The following COX17 variants were observed in gnomAD, a reference collection of about 807,000 sequenced individuals.
The protein encoded by COX17 is cytochrome c oxidase copper chaperone.
In COX17, 1 loss-of-function variant was observed where a neutral mutation model predicts 6.3. The observed-to-expected ratio is 0.16, with a 90% CI of 0.06 to 0.75. COX17 has a LOEUF of 0.75. Among genes scored for constraint, COX17 ranks in the 30% least tolerant of loss-of-function variants. COX17 has a pLI of 0.77. For synonymous variants in COX17, 26 were observed against 30.5 expected (o/e 0.85, Z 0.49); for missense variants, 73 against 81.2 (o/e 0.90, Z 0.39).
rs1302133764 is a variant in COX17 at position 119,677,256 on chromosome 3, G to C, written c.55C>G (p.Pro19Ala). 2 of 1,611,960 alleles carry C rather than the reference G, an allele frequency of 1.2e-6. No homozygotes were observed. Among genetic ancestry groups the C allele is most frequent in the Non-Finnish European group, 1.7e-6 (2 of 1,180,002 alleles). Residue 19 changes from proline (P) to alanine (A), a missense_variant, in exon 1 of 3, where the codon CCG becomes GCG. Coordinates refer to ENST00000261070, the MANE Select transcript of COX17 (RefSeq NM_005694.2). ...GGGCAAGCGCAGCAGGGCTTCAGCG[G>C]CTTCTTCTCCTGAGACTCAGGCGGG... ...PAPPESQEKK[P>A]LKPCCACPET...
downstream of COX17, chr3:119,669,275 G>C (rs1472758191): frequency 6.7e-6 from 1 of 148,522 alleles, no homozygotes; most frequent in African/African-American, 2.5e-5. Flanking sequence ...AAAGAGTGTT[G>C]AATGAGATGA....
In COX17 at chr3:119,664,511, G is replaced by C. The variant is rs139009227; in HGVS notation, c.*68+2408C>G. ...TCCCAGAAGTAAAACAAAATACGTG[G>C]CATATTCTGGTAACAGAGAACAGCT... On this transcript the variant is annotated intron_variant and NMD_transcript_variant, in intron 3 of 3. Coordinates refer to the COX17 transcript ENST00000468918. Among the ~76,000 whole-genome samples the C allele has an allele frequency of 3.0e-3, 456 of 152,270 alleles. 2 individuals are homozygous for C. The highest frequency in any genetic ancestry group is 0.011 in the African/African-American group (444 of 41,552).
chr3:119,664,660 T>C (rs1277842183), downstream of COX17, among the ~76,000 whole-genome samples: 1 of 152,222 alleles, frequency 6.6e-6, no homozygotes, highest in Non-Finnish European at 1.5e-5. Flanking sequence ...AAACTGTTTG[T>C]TACTTGTCCA....
downstream of COX17, chr3:119,665,392 T>A (rs1304187738): frequency 6.6e-6 from 1 of 152,232 alleles, no homozygotes; most frequent in Non-Finnish European, 1.5e-5. Flanking sequence ...CTTGCTTTTT[T>A]AAGACAGGGC....
chr3:119,668,068 C>G (rs775633495), downstream of COX17, among the ~76,000 whole-genome samples: 4 of 152,118 alleles, frequency 2.6e-5, no homozygotes, highest in Non-Finnish European at 5.9e-5. Context: ...CAGACCTATA[C>G]TCACTGATGG....
intron 2 of COX17, among the ~76,000 whole-genome samples, chr3:119,671,422 G>A (rs962463768): frequency 1.3e-5 from 2 of 152,204 alleles, no homozygotes; most frequent in African/African-American, 4.8e-5. Context: ...AAAGGTTTTT[G>A]AATTAAGGAA....
At position 119,677,373 on chromosome 3, in the gene COX17, C is replaced by G. The variant is rs78442596; in HGVS notation, c.-63G>C. 5,499 of 1,322,970 alleles carry G rather than the reference C, an allele frequency of 4.2e-3. 128 individuals are homozygous for G. In the African/African-American group the frequency reaches 0.057, roughly 14 times the overall value. The allele number at this position is 1,322,970 out of a possible 1,614,324, so 82.0% of individuals were successfully genotyped here. Reference sequence around the variant, plus strand: ...AATCTATGCCAGCCTCGGCAAACGCCGATTCGTCCGCAGTCACTTCCGGCA... The same window carrying G: ...AATCTATGCCAGCCTCGGCAAACGCGGATTCGTCCGCAGTCACTTCCGGCA... On this transcript the variant is annotated 5_prime_UTR_variant, in exon 1 of 3. Transcript: ENST00000261070.
At chr3:119,676,733 C>CG (rs1371458356) in intron 1 of COX17, 1 of 671,366 alleles carries the variant, frequency 1.5e-6, no homozygotes, top group Admixed American at 2.1e-5. Context: ...GCCCTTACCA[C>CG]GTCGTATACA....
intron 2 of COX17, among the ~76,000 whole-genome samples, chr3:119,671,752 A>T (rs1341046478): frequency 2.0e-5 from 3 of 152,238 alleles, no homozygotes; most frequent in African/African-American, 7.2e-5. Context: ...CGTGAAGTGT[A>T]AAGTGCCTGT....
intron 2 of COX17, among the ~76,000 whole-genome samples, chr3:119,672,594 T>C (rs2053055226): frequency 6.6e-6 from 1 of 152,222 alleles, no homozygotes; most frequent in South Asian, 2.1e-4. Flanking sequence ...AAATAGTTAA[T>C]AAAGTACACA....
chr3:119,676,246 T>C (rs1411113405), intron 1 of COX17, among the ~76,000 whole-genome samples: 3 of 152,244 alleles, frequency 2.0e-5, no homozygotes, highest in African/African-American at 7.2e-5. Context: ...CAACAGCACT[T>C]ACTGTTACCA....
chr3:119,675,275 C>A, intron 1 of COX17, 42 bp from the exon 2 acceptor site: 2 of 1,367,822 alleles, frequency 1.5e-6, no homozygotes, highest in South Asian at 2.3e-5. Flanking sequence ...ATGCATTAAG[C>A]ACATTATTAA....
chr3:119,672,801 G>A (rs1487130986), intron 2 of COX17, among the ~76,000 whole-genome samples: 2 of 152,136 alleles, frequency 1.3e-5, no homozygotes, highest in Non-Finnish European at 2.9e-5. Context: ...AAATTCAGAG[G>A]AGTAATGTCT....
intron 2 of COX17, among the ~76,000 whole-genome samples, chr3:119,673,722 T>C (rs1257931209): frequency 1.3e-5 from 2 of 152,304 alleles, no homozygotes; most frequent in African/African-American, 4.8e-5. Context: ...GTGAGCTAAG[T>C]TGATAACTGA....
intron 1 of COX17, among the ~76,000 whole-genome samples, chr3:119,676,291 T>C (rs1317641775): frequency 6.6e-6 from 1 of 152,228 alleles, no homozygotes; most frequent in Non-Finnish European, 1.5e-5. Flanking sequence ...CTTTCAATCC[T>C]ACCCGTATTA....
rs902705814 is a variant in COX17, at chr3:119,677,386, G to A, written c.-76C>T. The A allele has an allele frequency of 3.5e-6, 4 of 1,152,120 alleles. No homozygotes were observed. Among genetic ancestry groups the A allele is most frequent in the Non-Finnish European group, 5.1e-6 (4 of 779,672 alleles). 71.4% of individuals were successfully genotyped at this position (1,152,120 alleles called of 1,614,324 possible). On this transcript the variant is annotated 5_prime_UTR_variant, in exon 1 of 3. Transcript: ENST00000261070. ...CTCGGCAAACGCCGATTCGTCCGCA[G>A]TCACTTCCGGCAGTCGCTCTAAAAA... is the stretch of plus-strand genomic sequence containing the variant.
intron 1 of COX17, 27 bp downstream of exon 1, chr3:119,677,177 C>T: frequency 6.3e-7 from 1 of 1,582,564 alleles, no homozygotes; most frequent in Non-Finnish European, 8.6e-7. Context: ...GGCTCGTCGG[C>T]CGCGCCCTCT....
At position 119,677,259 on chromosome 3, in the gene COX17, T is replaced by G. The variant is rs1374049665; in HGVS notation, c.52A>C (p.Lys18Gln). The G allele has an allele frequency of 1.1e-5, 18 of 1,611,992 alleles. No individual in the cohort carries two copies. Among genetic ancestry groups the G allele is most frequent in the Non-Finnish European group, 1.5e-5 (18 of 1,179,970 alleles). ...NPAPPESQEK[K>Q]PLKPCCACPE... ...CAAGCGCAGCAGGGCTTCAGCGGCT[T>G]CTTCTCCTGAGACTCAGGCGGGGCA... is the stretch of plus-strand genomic sequence containing the variant. Residue 18 changes from lysine (K) to glutamine (Q), a missense_variant, in exon 1 of 3, where the codon AAG becomes CAG. Lys to Gln is a moderately conservative substitution (Grantham distance 53). Coordinates refer to ENST00000261070, the MANE Select transcript of COX17 (RefSeq NM_005694.2).
At chr3:119,677,079 A>T (rs1374304051) in intron 1 of COX17, 125 bp downstream of exon 1, 8 of 547,378 alleles carry the variant, frequency 1.5e-5, no homozygotes, top group African/African-American at 1.2e-4. Flanking sequence ...GGAAGAGGGC[A>T]GAGGGCAGAA....
Sources: gnomAD v4.1 joint callset for allele counts (sites outside exome capture counted in the v4.1 genomes callset) on GRCh38, gnomAD v4.1.1 for gene constraint, MANE v1.5 for transcripts, NCBI Gene and HGNC (gene_info 2026-07-23, HGNC 2026-07-21) for gene names.